The following SDF4 variants were observed in gnomAD, a reference collection of about 807,000 sequenced individuals.
SDF4 encodes the protein stromal cell derived factor 4, also known as 45 kDa calcium-binding protein.
SDF4 carries 22 observed loss-of-function variants against 34.2 expected under a neutral mutation model. The observed-to-expected ratio is 0.64, with a 90% CI of 0.46 to 0.92. SDF4 has a LOEUF of 0.92. SDF4 is among the 40% of genes least tolerant of loss of function. The pLI, the probability that SDF4 is intolerant of heterozygous loss-of-function variation, is 0.00. For synonymous variants in SDF4, 236 were observed against 203.1 expected, an observed-to-expected ratio of 1.16 and a Z score of -1.38; for missense variants, 447 against 499.9, an observed-to-expected ratio of 0.89 and a Z score of 1.01.
Position 1,216,950 on chromosome 1 carries a change from T to C in SDF4, c.*562A>G, listed in dbSNP as rs1463286641. On this transcript the variant is annotated 3_prime_UTR_variant, in exon 7 of 7. Transcript: ENST00000360001. ...GGCAACTATATTTAAAGTAAATGTA[T>C]GTGATTCTTGTCACAACAAATATTT... is the stretch of plus-strand genomic sequence containing the variant. 1.3e-5 allele frequency: 2 copies of C among 152,236 alleles called. No individual in the cohort carries two copies. Among genetic ancestry groups the C allele is most frequent in the Non-Finnish European group, 2.9e-5 (2 of 68,042 alleles). The allele number at this position is 152,236 out of a possible 1,614,324, so 9.4% of individuals were successfully genotyped here.
intron 2 of SDF4, among the ~76,000 whole-genome samples, chr1:1,226,100 T>C (rs1242698796): frequency 6.6e-6 from 1 of 152,234 alleles, no homozygotes; most frequent in African/African-American, 2.4e-5. Context: ...AGACGCCCAG[T>C]GCCCAGACCC....
rs1649803346 is a variant in SDF4 at position 1,219,739 on chromosome 1, C to G, written c.557-812G>C. On this transcript the variant is annotated intron_variant, in intron 4 of 6. Transcript: ENST00000360001. ...TGGGTCTCCAGGACAGAAACACCAC[C>G]TCCTGCCCCATCTTGGGGCTCACTG... 8.1e-6 allele frequency: 8 copies of G among 986,026 alleles called. No individual in the cohort carries two copies. The Admixed American group carries it at 4.9e-4, about 60-fold the overall frequency. The allele number at this position is 986,026 out of a possible 1,614,324, so 61.1% of individuals were successfully genotyped here.
chr1:1,220,457 C>CCT (rs1189850563), intron 4 of SDF4: 5 of 1,188,050 alleles, frequency 4.2e-6, no homozygotes, highest in Admixed American at 3.6e-5. Context: ...AGGAGTGACG[C>CCT]CTGCCAGCGC....
rs370530410 is a variant in SDF4 at position 1,219,016 on chromosome 1, G to A, written c.557-89C>T. 5.1e-5 allele frequency: 82 copies of A among 1,610,962 alleles called. No individual in the cohort carries two copies. In the African/African-American group the frequency reaches 5.3e-4, roughly 10 times the overall value. On this transcript the variant is annotated intron_variant, in intron 4 of 6. Transcript: ENST00000360001. Reference sequence around the variant, plus strand: ...TCCGAGAGGTGCTGCCTGAACTCGAGGGACACAGCCACCCGCGAGACCGGG... The same window carrying A: ...TCCGAGAGGTGCTGCCTGAACTCGAAGGACACAGCCACCCGCGAGACCGGG...
At chr1:1,219,775 C>T (rs1649805388) in intron 4 of SDF4, 1 of 985,904 alleles carries the variant, frequency 1.0e-6, no homozygotes, top group Non-Finnish European at 1.2e-6. Context: ...CAGTCAGTGG[C>T]CAAGTCCAGT....
rs987975115 is a variant in SDF4, at chr1:1,218,437, C to T, written c.891+21G>A. On this transcript the variant is annotated intron_variant, in intron 6 of 6. Transcript: ENST00000360001. This position sits in a 1 kb window ranked among gnomAD's most constrained non-coding sequence, Gnocchi z 7.9. ...GCACCTCGCAGGGCCGGCTCCGGGA[C>T]ACGGCTGCGCCAGGGCTCACCTCCA... The T allele has an allele frequency of 6.9e-6, 11 of 1,604,792 alleles. No homozygotes were observed. The highest frequency in any genetic ancestry group is 7.6e-6 in the Non-Finnish European group (9 of 1,178,450).
intron 2 of SDF4, among the ~76,000 whole-genome samples, chr1:1,226,532 G>GGA (rs1638314311): frequency 1.3e-5 from 2 of 152,232 alleles, no homozygotes; most frequent in Non-Finnish European, 2.9e-5. Flanking sequence ...CCAGCCCAGA[G>GGA]GAGACAGAGG....
rs374555877 is a variant in SDF4, at chr1:1,217,483, G to C, written c.*29C>G. ...CCGCGAGGCCGCCCCGGTGGTGCGT[G>C]GGGGGCGGCGCGGGGCGCGGCCGGG... is the stretch of plus-strand genomic sequence containing the variant. On this transcript the variant is annotated 3_prime_UTR_variant, in exon 7 of 7. Transcript: ENST00000360001. This position sits in a 1 kb window ranked among gnomAD's most constrained non-coding sequence, Gnocchi z 8.5. The C allele has an allele frequency of 4.1e-6, 6 of 1,476,968 alleles. No homozygotes were observed. In the African/African-American group the frequency reaches 5.8e-5, roughly 14 times the overall value. 91.5% of individuals were successfully genotyped at this position (1,476,968 alleles called of 1,614,324 possible).
intron 4 of SDF4, among the ~76,000 whole-genome samples, chr1:1,222,922 T>C (rs1650051064): frequency 6.6e-6 from 1 of 152,204 alleles, no homozygotes; most frequent in South Asian, 2.1e-4. Context: ...GCTACCTGGA[T>C]GTACTCACAA....
Position 1,217,133 on chromosome 1 carries a change from T to G in SDF4, c.*379A>C, listed in dbSNP as rs1649544379. 1 of 153,182 alleles carries G rather than the reference T, an allele frequency of 6.5e-6. No homozygotes were observed. Among genetic ancestry groups the G allele is most frequent in the Admixed American group, 6.5e-5 (1 of 15,320 alleles). 9.5% of individuals were successfully genotyped at this position (153,182 alleles called of 1,614,324 possible). A position where few individuals can be genotyped will look rare whatever the true frequency, so the allele number is the denominator to read the frequency against. The stretch of plus-strand genomic sequence containing the variant: ...AGTTTTCAAGGAAATGGAGGAGCTG[T>G]TTTTTCCCACGGAGCGGCGGCCCTG... On this transcript the variant is annotated 3_prime_UTR_variant, in exon 7 of 7. Transcript: ENST00000360001. The surrounding 1 kb of genome is among the most constrained non-coding windows in gnomAD (Gnocchi z 8.5).
chr1:1,228,655 T>C lies in SDF4; in HGVS notation c.118A>G (p.Arg40Gly), dbSNP rs1638391238. 6.2e-7 allele frequency: 1 copy of C among 1,612,952 alleles called. No homozygotes were observed. The highest frequency in any genetic ancestry group is 1.3e-5 in the African/African-American group (1 of 74,914). The change falls in exon 2 of 7, where the codon AGA becomes GGA. Residue 40 changes from arginine to glycine, a missense_variant. Arg to Gly is a moderately radical substitution (Grantham distance 125). Transcript: ENST00000360001. ...RPANHSSTRE[R>G]VANREENEIL... ...TCATTCTCCTCCCTGTTGGCTACTC[T>C]CTCTCGAGTGGACGAGTGGTTGGCA...
rs199539477 is a variant in SDF4 at position 1,223,318 on chromosome 1, G to A, written c.482C>T (p.Ala161Val). Reference protein sequence around the residue: ...SWDEYKVKFLASKGHSEKEVA... With the variant: ...SWDEYKVKFLVSKGHSEKEVA... ...CTCCTTCTCGCTATGGCCTTTACTC[G>A]CCAAAAACTTCACCTTATACTCGTC... The change falls in exon 4 of 7, where the codon GCG becomes GTG. Residue 161 changes from alanine to valine, a missense_variant. Ala to Val is a moderately conservative substitution (Grantham distance 64). Transcript: ENST00000360001. 3.6e-5 allele frequency: 58 copies of A among 1,613,732 alleles called. 1 individual carries two copies. The Admixed American group carries it at 3.8e-4, about 11-fold the overall frequency.
rs113681668 is a variant in SDF4 at position 1,218,478 on chromosome 1, C to A, written c.871G>T (p.Val291Leu). Residue 291 changes from valine (V) to leucine (L), a missense_variant, in exon 6 of 7, where the codon GTG becomes TTG. Coordinates refer to ENST00000360001, the MANE Select transcript of SDF4 (RefSeq NM_016176.6). The surrounding 1 kb of genome is among the most constrained non-coding windows in gnomAD (Gnocchi z 7.9). ...CTCACCTCCAGCTCCTCGGCGGTCA[C>A]GATGCCGTCGTGGTTGGAGTCAATG... ...ELIDSNHDGI[V>L]TAEELESYMD... is the part of the protein sequence containing the mutation. The A allele has an allele frequency of 4.3e-6, 7 of 1,612,536 alleles. No homozygotes were observed. The Admixed American group carries it at 1.2e-4, about 27-fold the overall frequency.
At position 1,223,950 on chromosome 1, in the gene SDF4, G is replaced by A. The variant is rs1232774075; in HGVS notation, c.324C>T (p.Asp108=). ...GCATCTCCTTGGCACTGATCTTCCG[G>A]TCAGTGTTCACATCCACCCTGCAAG... The part of the protein sequence containing the change: ...VIFSKVDVNT[D]RKISAKEMQR... Residue 108 remains aspartate (D), a synonymous_variant, in exon 3 of 7, where the codon GAC becomes GAT. Coordinates refer to ENST00000360001, the MANE Select transcript of SDF4 (RefSeq NM_016176.6). 1.2e-6 allele frequency: 2 copies of A among 1,611,074 alleles called. No homozygotes were observed. The highest frequency in any genetic ancestry group is 2.2e-5 in the East Asian group (1 of 44,870).
intron 4 of SDF4, among the ~76,000 whole-genome samples, chr1:1,222,827 G>A (rs1402207290): frequency 1.3e-5 from 2 of 152,262 alleles, no homozygotes; most frequent in Non-Finnish European, 2.9e-5. Context: ...AACCAGGTTG[G>A]GCCATGCTGT....
At chr1:1,220,650 A>C (rs1649891048) in intron 4 of SDF4, 2 of 1,289,086 alleles carry the variant, frequency 1.6e-6, no homozygotes, top group Admixed American at 2.3e-5. Context: ...GTGAATTCTA[A>C]ACACACCTCT....
At chr1:1,228,141 G>A (rs757604828) in intron 2 of SDF4, among the ~76,000 whole-genome samples, 10 of 152,222 alleles carry the variant, frequency 6.6e-5, no homozygotes, top group Non-Finnish European at 1.0e-4. Flanking sequence ...GCCCGTGGCC[G>A]GCGTCTGCCC....
At position 1,223,945 on chromosome 1, in the gene SDF4, T is replaced by C; in HGVS notation, c.329A>G (p.Lys110Arg). 6.2e-7 allele frequency: 1 copy of C among 1,611,422 alleles called. No individual in the cohort carries two copies. Among genetic ancestry groups the C allele is most frequent in the Non-Finnish European group, 8.5e-7 (1 of 1,179,852 alleles). The change falls in exon 3 of 7, where the codon AAG becomes AGG. Residue 110 changes from lysine to arginine, a missense_variant. By Grantham distance (26) the Lys-to-Arg change is conservative (BLOSUM62 2). Transcript: ENST00000360001. ...FSKVDVNTDRKISAKEMQRWI... is the reference protein window; with the variant it reads ...FSKVDVNTDRRISAKEMQRWI... ...GCGCTGCATCTCCTTGGCACTGATC[T>C]TCCGGTCAGTGTTCACATCCACCCT...
At chr1:1,225,705 G>C (rs1264753003) in intron 2 of SDF4, among the ~76,000 whole-genome samples, 1 of 150,838 alleles carries the variant, frequency 6.6e-6, no homozygotes, top group Non-Finnish European at 1.5e-5. Context: ...ACAGACACAG[G>C]CCACACGCTC....
Sources: allele counts gnomAD v4.1 joint callset (sites outside exome capture counted in the v4.1 genomes callset), GRCh38; gene constraint gnomAD v4.1.1; non-coding constraint Gnocchi (gnomAD v3.1); transcripts MANE v1.5; gene names NCBI Gene and HGNC (gene_info 2026-07-23, HGNC 2026-07-21).